Variants in CNTN4 observed in about 807,000 individuals in gnomAD.
CNTN4 encodes the protein contactin-4.
Under a neutral mutation model 122.5 loss-of-function variants are expected in CNTN4, and 77 were observed. The observed-to-expected ratio is 0.63, with a 90% CI of 0.52 to 0.76. CNTN4 has a LOEUF of 0.76. CNTN4 is among the 30% of genes least tolerant of loss of function. The pLI, the probability that CNTN4 is intolerant of heterozygous loss-of-function variation, is 0.00. For missense variants in CNTN4, 1,256 were observed against 1,259.1 expected (o/e 1.00, Z 0.04); for synonymous variants, 512 against 447.0 (o/e 1.15, Z -1.83).
chr3:2,399,379 A>T (rs74795157), intron 3 of CNTN4, among the ~76,000 whole-genome samples: 1,585 of 152,058 alleles, frequency 0.01, 13 homozygotes, highest in South Asian at 0.017. Context: ...TATGCTTATG[A>T]TGTGGATGAA....
intron 2 of CNTN4, among the ~76,000 whole-genome samples, chr3:2,174,616 T>G (rs548834067): frequency 6.6e-6 from 1 of 152,300 alleles, no homozygotes; most frequent in East Asian, 1.9e-4. Context: ...CCTAATAGTA[T>G]CTCTGATAGG....
At chr3:2,626,402 C>G (rs2082189207) in intron 4 of CNTN4, among the ~76,000 whole-genome samples, 1 of 151,596 alleles carries the variant, frequency 6.6e-6, no homozygotes, top group South Asian at 2.1e-4. Context: ...GAGGCTGAGG[C>G]AGGAGAATGG....
chr3:2,525,631 A>G (rs2077373431), intron 3 of CNTN4, among the ~76,000 whole-genome samples: 1 of 152,154 alleles, frequency 6.6e-6, no homozygotes, highest in Admixed American at 6.6e-5. Context: ...TTGTCACTAC[A>G]GTTTTCTTTC....
chr3:2,869,442 G>A (rs2093761052), intron 8 of CNTN4, among the ~76,000 whole-genome samples: 1 of 152,134 alleles, frequency 6.6e-6, no homozygotes, highest in South Asian at 2.1e-4. Flanking sequence ...AGAAAATCAA[G>A]GATGACACAT....
intron 8 of CNTN4, among the ~76,000 whole-genome samples, chr3:2,869,464 A>G (rs894120200): frequency 2.0e-5 from 3 of 152,244 alleles, no homozygotes; most frequent in Non-Finnish European, 4.4e-5. Flanking sequence ...GGTTTCTGGC[A>G]TAGCAGCTGA....
chr3:2,098,931 C>CCGG lies in CNTN4; in HGVS notation c.-271_-269dup, dbSNP rs1013875572. ...GCCGCCCCGGGCCCCTCGGACTGTGCCGGCGCCGCACCCGAGGCTCTCGCC... is the reference window on the plus strand; with the variant it reads ...GCCGCCCCGGGCCCCTCGGACTGTGCCGGCGGCGCCGCACCCGAGGCTCTCGCC... On this transcript the variant is annotated 5_prime_UTR_variant, in exon 1 of 25. Coordinates refer to ENST00000418658, the MANE Select transcript of CNTN4 (RefSeq NM_175607.3). The CCGG allele has an allele frequency of 6.6e-6, 1 of 152,238 alleles. No homozygotes were observed. The highest frequency in any genetic ancestry group is 2.4e-5 in the African/African-American group (1 of 41,464). The allele number at this position is 152,238 out of a possible 1,614,324, so 9.4% of individuals were successfully genotyped here.
chr3:2,950,302 C>CT (rs1038478779), intron 13 of CNTN4, among the ~76,000 whole-genome samples: 58 of 144,534 alleles, frequency 4.0e-4, no homozygotes, highest in African/African-American at 1.5e-3. Flanking sequence ...CTCAGGTTGT[C>CT]TGGCATCTGC....
At chr3:2,245,624 A>C (rs182171027) in intron 2 of CNTN4, among the ~76,000 whole-genome samples, 328 of 152,194 alleles carry the variant, frequency 2.2e-3, no homozygotes, top group Middle Eastern at 0.01. Flanking sequence ...TTAGAAATGT[A>C]CCATGTACAT....
At chr3:3,006,663 G>A (rs1003728028) in intron 14 of CNTN4, among the ~76,000 whole-genome samples, 2 of 152,138 alleles carry the variant, frequency 1.3e-5, no homozygotes. Context: ...AGCAGACCAA[G>A]GAAAAACAGA....
intron 3 of CNTN4, among the ~76,000 whole-genome samples, chr3:2,495,004 G>T (rs1228714264): frequency 6.6e-6 from 1 of 152,018 alleles, no homozygotes; most frequent in African/African-American, 2.4e-5. Flanking sequence ...TCCTACAAAG[G>T]TAGTCCATTA....
intron 3 of CNTN4, among the ~76,000 whole-genome samples, chr3:2,474,106 C>T (rs1280488919): frequency 1.3e-5 from 2 of 152,004 alleles, no homozygotes; most frequent in African/African-American, 4.8e-5. Context: ...GGGGTGTCAT[C>T]TCCTTTTTCT....
At chr3:2,594,907 A>G (rs1047019734) in intron 4 of CNTN4, among the ~76,000 whole-genome samples, 50 of 152,312 alleles carry the variant, frequency 3.3e-4, no homozygotes, top group Non-Finnish European at 1.5e-4. Flanking sequence ...TCTGATCCCA[A>G]TCTATTAGTG....
intron 2 of CNTN4, among the ~76,000 whole-genome samples, chr3:2,309,940 G>A (rs972297748): frequency 1.3e-5 from 2 of 152,014 alleles, no homozygotes; most frequent in African/African-American, 4.8e-5. Flanking sequence ...TAAAATAGTG[G>A]GAAATAGAAA....
rs114577708 is a variant in CNTN4, at chr3:2,128,784, A to G, written c.-145+28145A>G. Among the ~76,000 whole-genome samples the G allele has an allele frequency of 9.0e-3, 1,373 of 152,324 alleles. 29 individuals carry two copies. The highest frequency in any genetic ancestry group is 0.031 in the African/African-American group (1,277 of 41,568). On this transcript the variant is annotated intron_variant, in intron 2 of 24. Coordinates refer to ENST00000418658, the MANE Select transcript of CNTN4 (RefSeq NM_175607.3). The stretch of plus-strand genomic sequence containing the variant: ...TGCTTTGCATTTGCACAGGGGTGAG[A>G]TGTAAGACATATTAAAGAAAACCAT...
chr3:2,299,454 C>A (rs75101416), intron 2 of CNTN4, among the ~76,000 whole-genome samples: 94 of 152,130 alleles, frequency 6.2e-4, no homozygotes, highest in African/African-American at 2.2e-3. Context: ...ATGTAATTTT[C>A]TATCCCATAC....
At chr3:2,255,948 A>T (rs62247031) in intron 2 of CNTN4, among the ~76,000 whole-genome samples, 27,861 of 152,096 alleles carry the variant, frequency 0.18, 3,019 homozygotes, top group South Asian at 0.34. Context: ...TCAGAGCAGA[A>T]CTGAAGGAGA....
intron 3 of CNTN4, among the ~76,000 whole-genome samples, chr3:2,489,349 G>A (rs543408622): frequency 1.1e-3 from 174 of 152,186 alleles, no homozygotes; most frequent in African/African-American, 3.9e-3. Context: ...TAGTAGCTTC[G>A]TTCACCCATT....
chr3:2,104,446 T>C (rs1339282175), intron 2 of CNTN4, among the ~76,000 whole-genome samples: 1 of 152,220 alleles, frequency 6.6e-6, no homozygotes, highest in African/African-American at 2.4e-5. Flanking sequence ...TCAGTACTCA[T>C]AGAATAGATC....
intron 3 of CNTN4, among the ~76,000 whole-genome samples, chr3:2,419,153 G>T (rs1462523230): frequency 1.3e-5 from 2 of 152,122 alleles, no homozygotes; most frequent in East Asian, 3.9e-4. Context: ...TTGAGTAATA[G>T]TTTATATTCC....
Sources: gnomAD v4.1 joint callset for allele counts (sites outside exome capture counted in the v4.1 genomes callset) on GRCh38, gnomAD v4.1.1 for gene constraint, MANE v1.5 for transcripts, NCBI Gene and HGNC (gene_info 2026-07-23, HGNC 2026-07-21) for gene names.